ANKH: variants seen among roughly 807,000 people sequenced by gnomAD.
ANKH encodes the protein mineralization regulator ANKH.
ANKH carries 15 observed loss-of-function variants against 49.0 expected under a neutral mutation model. That is an observed-to-expected ratio of 0.31 (90% CI 0.20 to 0.47). The LOEUF (loss-of-function observed/expected upper bound fraction) is 0.47. ANKH is among the 20% of genes least tolerant of loss of function. The probability of loss-of-function intolerance (pLI) is 1.00; values close to 1 mark genes in which losing one functional copy is unlikely to be tolerated. For missense variants in ANKH, 429 were observed against 652.0 expected (o/e 0.66, Z 3.72); for synonymous variants, 273 against 260.0 (o/e 1.05, Z -0.48).
At chr5:14,859,329 A>C (rs1392728148) in intron 1 of ANKH, among the ~76,000 whole-genome samples, 1 of 152,192 alleles carries the variant, frequency 6.6e-6, no homozygotes, top group African/African-American at 2.4e-5. Flanking sequence ...GTTTGCCTAT[A>C]TTGTAGCATA....
Position 14,711,208 on chromosome 5 carries a change from CCTCT to C in ANKH, c.1464_1467del (p.Glu489ArgfsTer41). Reference sequence around the variant, plus strand: ...TGGCGTCCCGTGCCTTATTCATTCTCCTCTCTCATTTCCACGATGTCTGTCACCT... The same window carrying C: ...TGGCGTCCCGTGCCTTATTCATTCTCCTCATTTCCACGATGTCTGTCACCT... On this transcript the variant is annotated frameshift_variant, in exon 12 of 12. Transcript: ENST00000284268. LOFTEE classifies it high-confidence loss of function. The C allele has an allele frequency of 1.2e-6, 2 of 1,614,018 alleles. No individual in the cohort carries two copies. Among genetic ancestry groups the C allele is most frequent in the Non-Finnish European group, 1.7e-6 (2 of 1,179,886 alleles).
chr5:14,712,999 TTGTC>T (rs1561018132), intron 10 of ANKH, 26 bp from the exon 11 acceptor site: 6 of 1,602,410 alleles, frequency 3.7e-6, no homozygotes, highest in African/African-American at 2.7e-5. Context: ...CAAAGGCAAT[TTGTC>T]TGTTAAGGCC....
At position 14,745,435 on chromosome 5, in the gene ANKH, C is replaced by T. The variant is rs891050; in HGVS notation, c.915+435G>A. On this transcript the variant is annotated intron_variant, in intron 7 of 11. Coordinates refer to ENST00000284268, the MANE Select transcript of ANKH (RefSeq NM_054027.6). This position sits in a 1 kb window ranked among gnomAD's most constrained non-coding sequence, Gnocchi z 4.7. ...GACCCAGGTCTTGCCTGTGGCCAAC[C>T]TGAGCATGTAGGTAGGCCAGCCCAC... 0.32 allele frequency among the ~76,000 whole-genome samples: 47,991 copies of T among 151,718 alleles called. 8,616 individuals are homozygous for T. Among genetic ancestry groups the T allele is most frequent in the African/African-American group, 0.5 (20,795 of 41,246 alleles).
At chr5:14,837,628 G>A (rs1336627365) in intron 1 of ANKH, among the ~76,000 whole-genome samples, 1 of 152,162 alleles carries the variant, frequency 6.6e-6, no homozygotes, top group African/African-American at 2.4e-5. Context: ...GAAACAACAG[G>A]TGCTGGAGAA....
intron 11 of ANKH, among the ~76,000 whole-genome samples, chr5:14,712,077 T>TTTTC (rs1737236893): frequency 2.0e-5 from 3 of 152,210 alleles, no homozygotes; most frequent in Non-Finnish European, 4.4e-5. Context: ...CCTACCCTGC[T>TTTTC]TTTCTTTCAT....
chr5:14,861,765 C>T (rs1262099332), intron 1 of ANKH, among the ~76,000 whole-genome samples: 1 of 152,334 alleles, frequency 6.6e-6, no homozygotes, highest in East Asian at 1.9e-4. Flanking sequence ...TGCAAACTAA[C>T]TTAAACCAAA....
chr5:14,866,261 C>T (rs1712311237), intron 1 of ANKH, among the ~76,000 whole-genome samples: 1 of 152,196 alleles, frequency 6.6e-6, no homozygotes, highest in Admixed American at 6.5e-5. Flanking sequence ...CTGCCTTGGC[C>T]TCCCAAAGTG....
chr5:14,849,988 T>C (rs115025431), intron 1 of ANKH, among the ~76,000 whole-genome samples: 2,090 of 152,252 alleles, frequency 0.014, 43 homozygotes, highest in African/African-American at 0.048. Context: ...CCAGCACCGC[T>C]TCAGTACTCA....
intron 1 of ANKH, among the ~76,000 whole-genome samples, chr5:14,856,147 C>T (rs1735238564): frequency 4.0e-5 from 6 of 151,798 alleles, no homozygotes; most frequent in Middle Eastern, 3.4e-3. Context: ...TGGCAGAGCC[C>T]GATCTCTACA....
intron 8 of ANKH, among the ~76,000 whole-genome samples, chr5:14,728,493 G>A (rs1737889964): frequency 6.6e-6 from 1 of 152,196 alleles, no homozygotes; most frequent in Non-Finnish European, 1.5e-5. Context: ...TCTTCCAGTG[G>A]AGCCGGGAAC....
At chr5:14,762,583 C>T (rs1157158376) in intron 2 of ANKH, among the ~76,000 whole-genome samples, 3 of 152,200 alleles carry the variant, frequency 2.0e-5, no homozygotes, top group African/African-American at 7.2e-5. Context: ...TCTACTCTTC[C>T]CCTACATGAT....
intron 1 of ANKH, among the ~76,000 whole-genome samples, chr5:14,790,876 C>G (rs1580070408): frequency 6.6e-6 from 1 of 152,308 alleles, no homozygotes; most frequent in East Asian, 1.9e-4. Context: ...TCCCAAAGCA[C>G]TAGAATCACA....
At chr5:14,786,390 G>A (rs1344139678) in intron 1 of ANKH, among the ~76,000 whole-genome samples, 2 of 152,186 alleles carry the variant, frequency 1.3e-5, no homozygotes, top group Non-Finnish European at 2.9e-5. Flanking sequence ...TGGCGTTCCA[G>A]TCAGAATTCT....
rs1445293692 is a variant in ANKH, at chr5:14,741,874, C to T, written c.964G>A (p.Ala322Thr). The change falls in exon 8 of 12, where the codon GCC (alanine) becomes ACC (threonine). Residue 322 changes from alanine to threonine, a missense_variant. Transcript: ENST00000284268. ...LVSTSNTVTA[A>T]HIKKFTFVCM... ...ACGAAGGTGAACTTCTTGATGTGGG[C>T]TGCCGTGACTGTGTTGCTCGTGCTC... is the stretch of plus-strand genomic sequence containing the variant. The T allele has an allele frequency of 1.9e-6, 3 of 1,614,072 alleles. No individual in the cohort carries two copies. Among genetic ancestry groups the T allele is most frequent in the African/African-American group, 2.7e-5 (2 of 74,928 alleles).
chr5:14,841,765 C>G (rs1275589196), intron 1 of ANKH, among the ~76,000 whole-genome samples: 7 of 152,172 alleles, frequency 4.6e-5, no homozygotes, highest in African/African-American at 1.4e-4. Context: ...CCCCAGCAAC[C>G]CCCATTCTAC....
At chr5:14,718,868 A>G (rs970074479) in intron 8 of ANKH, among the ~76,000 whole-genome samples, 2 of 149,950 alleles carry the variant, frequency 1.3e-5, no homozygotes, top group Non-Finnish European at 3.0e-5. Context: ...AAAAGATAAA[A>G]GCAGAAAGGA....
intron 2 of ANKH, among the ~76,000 whole-genome samples, chr5:14,766,449 T>C (rs1005641526): frequency 6.6e-6 from 1 of 152,132 alleles, no homozygotes; most frequent in Non-Finnish European, 1.5e-5. Context: ...ATGCAATTCA[T>C]CCTTCAGAGA....
chr5:14,782,796 A>G (rs1265990720), intron 1 of ANKH, among the ~76,000 whole-genome samples: 1 of 152,162 alleles, frequency 6.6e-6, no homozygotes. Context: ...CTTGGTGAAG[A>G]GTTTGAAACC....
chr5:14,860,091 T>A (rs1398925841), intron 1 of ANKH, among the ~76,000 whole-genome samples: 1 of 152,256 alleles, frequency 6.6e-6, no homozygotes, highest in Non-Finnish European at 1.5e-5. Flanking sequence ...GGTGGTGGAA[T>A]GCCTCTGCGT....
Sources: allele counts gnomAD v4.1 joint callset (sites outside exome capture counted in the v4.1 genomes callset), GRCh38; gene constraint gnomAD v4.1.1; non-coding constraint Gnocchi (gnomAD v3.1); transcripts MANE v1.5; gene names NCBI Gene and HGNC (gene_info 2026-07-23, HGNC 2026-07-21).